The following WDR37 variants were observed in gnomAD, a reference collection of about 807,000 sequenced individuals.
WDR37 encodes the protein WD repeat domain 37.
Under a neutral mutation model 62.9 loss-of-function variants are expected in WDR37, and 19 were observed. The observed-to-expected ratio is 0.30, with a 90% CI of 0.21 to 0.44. The LOEUF is 0.44. Ranked by LOEUF, WDR37 falls within the 20% of genes least tolerant of loss-of-function variation. WDR37 has a pLI of 1.00. For synonymous variants in WDR37, 250 were observed against 260.9 expected (o/e 0.96, Z 0.40); for missense variants, 474 against 657.6 (o/e 0.72, Z 3.05).
chr10:1,071,001 G>A (rs1275586232), intron 1 of WDR37, among the ~76,000 whole-genome samples: 1 of 152,224 alleles, frequency 6.6e-6, no homozygotes, highest in Non-Finnish European at 1.5e-5. Context: ...CAGAAATAAG[G>A]TCTTGCCTTG....
rs905594357 is a variant in WDR37, at chr10:1,121,042, G to A, written c.1104-3176G>A. On this transcript the variant is annotated intron_variant, in intron 11 of 13. Transcript: ENST00000263150. The surrounding 1 kb of genome is among the most constrained non-coding windows in gnomAD (Gnocchi z 4.5). ...ACACGACAAGATAAATGAGTTTGCC[G>A]GAGTTTGGCAGCGTCGGAACCATTT... is the stretch of plus-strand genomic sequence containing the variant. 3.3e-5 allele frequency among the ~76,000 whole-genome samples: 5 copies of A among 152,216 alleles called. No homozygotes were observed. The highest frequency in any genetic ancestry group is 5.9e-5 in the Non-Finnish European group (4 of 68,038).
intron 4 of WDR37, 146 bp from the exon 5 acceptor site, chr10:1,080,265 TC>T: frequency 7.9e-7 from 1 of 1,261,200 alleles, no homozygotes; most frequent in Non-Finnish European, 1.1e-6. Context: ...CGGTTCTTGT[TC>T]CTGTTCTGCC....
intron 8 of WDR37, among the ~76,000 whole-genome samples, chr10:1,095,149 G>C (rs577152998): frequency 9.2e-4 from 133 of 144,164 alleles, no homozygotes; most frequent in African/African-American, 2.9e-3. Flanking sequence ...GACTGGGAAA[G>C]ATGAGGTAAT....
intron 13 of WDR37, among the ~76,000 whole-genome samples, chr10:1,126,327 AC>A (rs1224940119): frequency 1.3e-5 from 2 of 148,254 alleles, no homozygotes; most frequent in Non-Finnish European, 1.5e-5. Flanking sequence ...AATGGCGTGA[AC>A]CCAGGAGGCG....
intron 13 of WDR37, among the ~76,000 whole-genome samples, chr10:1,126,723 A>G (rs1835796002): frequency 1.3e-5 from 2 of 152,294 alleles, no homozygotes; most frequent in African/African-American, 4.8e-5. Flanking sequence ...CCGGGTGGTC[A>G]GGGAGGCACG....
chr10:1,083,676 T>A (rs993989826), intron 5 of WDR37, among the ~76,000 whole-genome samples: 1 of 152,236 alleles, frequency 6.6e-6, no homozygotes, highest in Non-Finnish European at 1.5e-5. Flanking sequence ...CAAGAGGGCA[T>A]GAGAACTGTC....
chr10:1,069,389 A>ATATATATATATTTTTTTTTTTTTT, intron 1 of WDR37, among the ~76,000 whole-genome samples: 4 of 95,766 alleles, frequency 4.2e-5, no homozygotes, highest in African/African-American at 1.9e-4. Flanking sequence ...ATATATATAT[A>ATATATATATATTTTTTTTTTTTTT]TTTTTTTTTT....
In WDR37 at chr10:1,129,923, T is replaced by C. The variant is rs1296573538; in HGVS notation, c.*579T>C. On this transcript the variant is annotated 3_prime_UTR_variant, in exon 14 of 14. Coordinates refer to ENST00000263150, the MANE Select transcript of WDR37 (RefSeq NM_014023.4). ...AGAAGTTAAAAAAAAGCATGGGATG[T>C]TGGATTTGCACCATTTGGAGTTTCT... 6.6e-6 allele frequency: 1 copy of C among 152,354 alleles called. No homozygotes were observed. The highest frequency in any genetic ancestry group is 2.4e-5 in the African/African-American group (1 of 41,452). 9.4% of individuals were successfully genotyped at this position (152,354 alleles called of 1,614,324 possible). A position where few individuals can be genotyped will look rare whatever the true frequency, so the allele number is the denominator to read the frequency against.
chr10:1,078,363 C>G (rs1040843973), intron 3 of WDR37, among the ~76,000 whole-genome samples: 7 of 152,100 alleles, frequency 4.6e-5, no homozygotes, highest in African/African-American at 1.7e-4. Context: ...AAAGACAAAT[C>G]AAAACAATTT....
chr10:1,057,380 C>T (rs927236755), intron 1 of WDR37, among the ~76,000 whole-genome samples: 1 of 152,112 alleles, frequency 6.6e-6, no homozygotes, highest in African/African-American at 2.4e-5. Flanking sequence ...TTGCTTCGGC[C>T]TGGGCATCCC....
At chr10:1,124,651 T>C (rs1835681920) in intron 12 of WDR37, among the ~76,000 whole-genome samples, 2 of 103,044 alleles carry the variant, frequency 1.9e-5, no homozygotes, top group African/African-American at 6.5e-5. Flanking sequence ...GGTTCTACCA[T>C]TGAGCAGTGT....
At chr10:1,128,281 C>T (rs999155874) in intron 13 of WDR37, among the ~76,000 whole-genome samples, 1 of 152,222 alleles carries the variant, frequency 6.6e-6, no homozygotes, top group South Asian at 2.1e-4. Flanking sequence ...GTAACAGCAA[C>T]GTATCAGAGC....
intron 1 of WDR37, among the ~76,000 whole-genome samples, chr10:1,061,850 A>AT (rs891092891): frequency 4.6e-5 from 7 of 151,852 alleles, no homozygotes; most frequent in Non-Finnish European, 8.8e-5. Flanking sequence ...AAAAAAAAAA[A>AT]AAATTACCTT....
intron 13 of WDR37, among the ~76,000 whole-genome samples, chr10:1,126,360 C>A (rs532352534): frequency 2.0e-4 from 30 of 149,442 alleles, no homozygotes; most frequent in Admixed American, 9.3e-4. Flanking sequence ...GAGCTGAGAT[C>A]GCGCCACTGC....
Position 1,103,895 on chromosome 10 carries a change from G to A in WDR37, c.961+59G>A. 1 of 1,537,680 alleles carries A rather than the reference G, an allele frequency of 6.5e-7. No homozygotes were observed. The highest frequency in any genetic ancestry group is 8.9e-7 in the Non-Finnish European group (1 of 1,125,334). On this transcript the variant is annotated intron_variant, in intron 10 of 13. Coordinates refer to ENST00000263150, the MANE Select transcript of WDR37 (RefSeq NM_014023.4). The surrounding 1 kb of genome is among the most constrained non-coding windows in gnomAD (Gnocchi z 6.3). ...CTGTGCATGTTAGTTTATGTCCATG[G>A]GTTATGTCTGACCTTGCCACTTACT...
In WDR37 at chr10:1,080,485, G is replaced by A. The variant is rs777422636; in HGVS notation, c.396+9G>A. On this transcript the variant is annotated intron_variant, in intron 5 of 13. Transcript: ENST00000263150. ...AGGCTTCCACCAGCAAGGTATGCAG[G>A]CCACTGGCTCTTGAGCCATCATGTG... 2 of 1,614,022 alleles carry A rather than the reference G, an allele frequency of 1.2e-6. No homozygotes were observed. The highest frequency in any genetic ancestry group is 1.7e-6 in the Non-Finnish European group (2 of 1,179,994).
At chr10:1,091,265 A>G (rs1834379123) in intron 7 of WDR37, among the ~76,000 whole-genome samples, 1 of 152,218 alleles carries the variant, frequency 6.6e-6, no homozygotes, top group Non-Finnish European at 1.5e-5. Context: ...GTGAAAATTG[A>G]TGATTGATCT....
rs190176202 is a variant in WDR37 at position 1,101,989 on chromosome 10, G to A, written c.727-1613G>A. On this transcript the variant is annotated intron_variant, in intron 9 of 13. Transcript: ENST00000263150. The stretch of plus-strand genomic sequence containing the variant: ...TCCATGTGATATGTGTTCCCGTGCT[G>A]CCCTGGGTCCCTGTGACGTGCTTTC... Among the ~76,000 whole-genome samples, 13 of 152,244 alleles carry A rather than the reference G, an allele frequency of 8.5e-5. No homozygotes were observed. The East Asian group carries it at 1.5e-3, about 18-fold the overall frequency.
intron 9 of WDR37, among the ~76,000 whole-genome samples, chr10:1,099,633 A>G (rs993677062): frequency 5.3e-5 from 8 of 152,254 alleles, no homozygotes; most frequent in African/African-American, 1.9e-4. Flanking sequence ...GTAGCGCATA[A>G]CACTGTCCAC....
Sources: gnomAD v4.1 joint callset for allele counts (sites outside exome capture counted in the v4.1 genomes callset) on GRCh38, gnomAD v4.1.1 for gene constraint, Gnocchi (gnomAD v3.1) non-coding constraint, MANE v1.5 for transcripts, NCBI Gene and HGNC (gene_info 2026-07-23, HGNC 2026-07-21) for gene names.